The following GPR20 variants were observed in gnomAD, a reference collection of about 807,000 sequenced individuals.
GPR20 encodes the protein CTD-3064M3.3.
For synonymous variants in GPR20, 241 were observed against 241.9 expected, an observed-to-expected ratio of 1.00 and a Z score of 0.04; for missense variants, 494 against 527.4, an observed-to-expected ratio of 0.94 and a Z score of 0.62.
At chr8:141,361,165 C>A (rs889246096) in intron 1 of GPR20, among the ~76,000 whole-genome samples, 1 of 152,226 alleles carries the variant, frequency 6.6e-6, no homozygotes, top group African/African-American at 2.4e-5. Context: ...GGGCTCAGGG[C>A]CTGGAGGCTG....
Position 141,356,999 on chromosome 8 carries a change from G to A in GPR20, c.925C>T (p.Arg309Ter), listed in dbSNP as rs752493554. The change falls in exon 2 of 2, where the codon CGA becomes TGA. Residue 309 changes from arginine to a stop codon, truncating the protein, a stop_gained. Coordinates refer to ENST00000377741, the MANE Select transcript of GPR20 (RefSeq NM_005293.3). LOFTEE classifies it low-confidence loss of function (END_TRUNC). ...FVTSGFQATVRGLFGQHGERE... is the reference protein window; with the variant it reads ...FVTSGFQATV ...TCTCCGTGCTGGCCGAAGAGGCCTCGGACGGTGGCCTGGAAGCCACTGGTG... is the reference window on the plus strand; with the variant it reads ...TCTCCGTGCTGGCCGAAGAGGCCTCAGACGGTGGCCTGGAAGCCACTGGTG... The A allele has an allele frequency of 8.7e-6, 14 of 1,612,982 alleles. No homozygotes were observed. Among genetic ancestry groups the A allele is most frequent in the African/African-American group, 1.3e-5 (1 of 74,954 alleles).
Position 141,356,748 on chromosome 8 carries a change from A to C in GPR20, c.*99T>G. ...GTGCTCTGGGTAGCCATCACCAATCAATCGAGATGGAACCGATTGCCACCC... is the reference window on the plus strand; with the variant it reads ...GTGCTCTGGGTAGCCATCACCAATCCATCGAGATGGAACCGATTGCCACCC... On this transcript the variant is annotated 3_prime_UTR_variant, in exon 2 of 2. Coordinates refer to ENST00000377741, the MANE Select transcript of GPR20 (RefSeq NM_005293.3). The C allele has an allele frequency of 1.3e-6, 1 of 789,896 alleles. No individual in the cohort carries two copies. The highest frequency in any genetic ancestry group is 2.0e-6 in the Non-Finnish European group (1 of 495,758). The allele number at this position is 789,896 out of a possible 1,614,324, so 48.9% of individuals were successfully genotyped here.
rs764359722 is a variant in GPR20 at position 141,357,338 on chromosome 8, G to A, written c.586C>T (p.Arg196Cys). Residue 196 changes from arginine (R) to cysteine (C), a missense_variant, in exon 2 of 2, where the codon CGT (arginine) becomes TGT (cysteine). By Grantham distance (180) the Arg-to-Cys change is radical. Coordinates refer to ENST00000377741, the MANE Select transcript of GPR20 (RefSeq NM_005293.3). ...TCCAGGACAGTCAGCGCAAAGACAC[G>A]GCAGCAGGGCCGGCTGCCTGTCACG... Reference protein sequence around the residue: ...LGVTGSRPCCRVFALTVLEFL... With the variant: ...LGVTGSRPCCCVFALTVLEFL... 4 of 1,548,242 alleles carry A rather than the reference G, an allele frequency of 2.6e-6. No homozygotes were observed. Among genetic ancestry groups the A allele is most frequent in the East Asian group, 2.4e-5 (1 of 41,406 alleles).
intron 1 of GPR20, among the ~76,000 whole-genome samples, chr8:141,365,493 C>T (rs945025547): frequency 2.0e-5 from 3 of 152,224 alleles, no homozygotes; most frequent in African/African-American, 4.8e-5. Flanking sequence ...CACACAGCCC[C>T]GTGCAGTTTG....
rs971662872 is a variant in GPR20 at position 141,357,024 on chromosome 8, G to A, written c.900C>T (p.Val300=). ...SCMDPIVYCF[V]TSGFQATVRG... ...GGACGGTGGCCTGGAAGCCACTGGTGACGAAGCAGTAGACGATGGGGTCCA... is the reference window on the plus strand; with the variant it reads ...GGACGGTGGCCTGGAAGCCACTGGTAACGAAGCAGTAGACGATGGGGTCCA... Residue 300 remains valine (V), a synonymous_variant, in exon 2 of 2, where the codon GTC becomes GTT. Transcript: ENST00000377741. The A allele has an allele frequency of 6.2e-7, 1 of 1,613,016 alleles. No homozygotes were observed. Among genetic ancestry groups the A allele is most frequent in the Non-Finnish European group, 8.5e-7 (1 of 1,179,856 alleles).
In GPR20 at chr8:141,366,328, G is replaced by A. The variant is rs566908745; in HGVS notation, c.-25+873C>T. Among the ~76,000 whole-genome samples the A allele has an allele frequency of 3.2e-4, 49 of 152,202 alleles. 1 individual carries two copies. The highest frequency in any genetic ancestry group is 2.5e-3 in the Admixed American group (38 of 15,290). ...GGAAGACCCAGGATGACCAGCTGTT[G>A]AAGGAAGAAGACAGGGCAAGTGGAC... On this transcript the variant is annotated intron_variant, in intron 1 of 1. Transcript: ENST00000377741.
chr8:141,361,427 C>T (rs1167593786), intron 1 of GPR20, among the ~76,000 whole-genome samples: 1 of 152,364 alleles, frequency 6.6e-6, no homozygotes, highest in Non-Finnish European at 1.5e-5. Context: ...GTCTCTGAGC[C>T]TCAGTTTCCT....
chr8:141,356,493 T>C lies in GPR20; in HGVS notation c.*354A>G, dbSNP rs1831637953. ...CCTTTTTTCTTTTTTCTTTTTCATC[T>C]CATCCTTCTAATCAATGGAATCCAC... On this transcript the variant is annotated 3_prime_UTR_variant, in exon 2 of 2. Transcript: ENST00000377741. 1.3e-5 allele frequency: 4 copies of C among 310,634 alleles called. No individual in the cohort carries two copies. Among genetic ancestry groups the C allele is most frequent in the Non-Finnish European group, 2.3e-5 (4 of 170,514 alleles). The allele number at this position is 310,634 out of a possible 1,614,324, so 19.2% of individuals were successfully genotyped here.
chr8:141,361,342 A>G (rs1362900862), intron 1 of GPR20, among the ~76,000 whole-genome samples: 2 of 152,188 alleles, frequency 1.3e-5, no homozygotes, highest in Non-Finnish European at 2.9e-5. Flanking sequence ...GAGTGTGGCC[A>G]TGGAGCCCTG....
At chr8:141,358,905 G>T (rs1204208574) in intron 1 of GPR20, among the ~76,000 whole-genome samples, 1 of 150,880 alleles carries the variant, frequency 6.6e-6, no homozygotes, top group East Asian at 1.9e-4. Flanking sequence ...TGGGCAGGGG[G>T]GCCAGGGTGG....
At position 141,356,722 on chromosome 8, in the gene GPR20, G is replaced by C; in HGVS notation, c.*125C>G. 1 of 648,462 alleles carries C rather than the reference G, an allele frequency of 1.5e-6. No individual in the cohort carries two copies. Among genetic ancestry groups the C allele is most frequent in the Non-Finnish European group, 2.6e-6 (1 of 379,768 alleles). The allele number at this position is 648,462 out of a possible 1,614,324, so 40.2% of individuals were successfully genotyped here. A position where few individuals can be genotyped will look rare whatever the true frequency, so the allele number is the denominator to read the frequency against. On this transcript the variant is annotated 3_prime_UTR_variant, in exon 2 of 2. Transcript: ENST00000377741. ...CACAGTGGCCTTAGACGCTCAATGC[G>C]GTGCTCTGGGTAGCCATCACCAATC...
rs200601490 is a variant in GPR20 at position 141,357,578 on chromosome 8, C to T, written c.346G>A (p.Ala116Thr). 9.7e-5 allele frequency: 157 copies of T among 1,613,786 alleles called. No individual in the cohort carries two copies. Among genetic ancestry groups the T allele is most frequent in the Non-Finnish European group, 1.2e-4 (145 of 1,180,018 alleles). ...LPTRFAVYYG[A>T]RGCLRCAFPH... Reference sequence around the variant, plus strand: ...AAGGCACAGCGCAGGCAGCCCCTGGCGCCGTAGTACACAGCGAAGCGCGTG... The same window carrying T: ...AAGGCACAGCGCAGGCAGCCCCTGGTGCCGTAGTACACAGCGAAGCGCGTG... Residue 116 changes from alanine (A) to threonine (T), a missense_variant, in exon 2 of 2, where the codon GCC (alanine) becomes ACC (threonine). Coordinates refer to ENST00000377741, the MANE Select transcript of GPR20 (RefSeq NM_005293.3).
intron 1 of GPR20, among the ~76,000 whole-genome samples, chr8:141,359,508 G>T (rs1831701988): frequency 6.6e-6 from 1 of 152,206 alleles, no homozygotes; most frequent in South Asian, 2.1e-4. Flanking sequence ...CCAGGCCTGT[G>T]CCCAGCCCCT....
In GPR20 at chr8:141,357,439, C is replaced by A. The variant is rs373481136; in HGVS notation, c.485G>T (p.Arg162Leu). 1.9e-6 allele frequency: 3 copies of A among 1,603,986 alleles called. No individual in the cohort carries two copies. The highest frequency in any genetic ancestry group is 2.2e-5 in the South Asian group (2 of 90,470). The change falls in exon 2 of 2, where the codon CGC becomes CTC. Residue 162 changes from arginine to leucine, a missense_variant. By Grantham distance (102) the Arg-to-Leu change is moderately radical. Transcript: ENST00000377741. ...IVRPEGSRRC[R>L]QPACARAVCA... ...CACGGCCCTGGCACAGGCAGGCTGG[C>A]GGCAGCGGCGGGAGCCTTCGGGCCG...
At chr8:141,366,611 C>A (rs1306934741) in intron 1 of GPR20, among the ~76,000 whole-genome samples, 1 of 152,224 alleles carries the variant, frequency 6.6e-6, no homozygotes, top group Non-Finnish European at 1.5e-5. Context: ...GAGACAGCAC[C>A]AAGGCTACTG....
At chr8:141,358,712 G>T (rs1420379731) in intron 1 of GPR20, among the ~76,000 whole-genome samples, 1 of 152,256 alleles carries the variant, frequency 6.6e-6, no homozygotes, top group Non-Finnish European at 1.5e-5. Flanking sequence ...CAGTGGGGCT[G>T]CATGGGAGCC....
intron 1 of GPR20, among the ~76,000 whole-genome samples, chr8:141,363,907 CTG>C (rs562764902): frequency 1.1e-4 from 17 of 152,374 alleles, no homozygotes; most frequent in South Asian, 4.1e-4. Flanking sequence ...TGTGTGCTGT[CTG>C]TGGACGTGTG....
chr8:141,357,350 G>C lies in GPR20; in HGVS notation c.574C>G (p.Arg192Gly). The C allele has an allele frequency of 6.4e-7, 1 of 1,552,656 alleles. No individual in the cohort carries two copies. The highest frequency in any genetic ancestry group is 1.2e-5 in the South Asian group (1 of 85,860). Residue 192 changes from arginine (R) to glycine (G), a missense_variant, in exon 2 of 2, where the codon CGG becomes GGG. Arg to Gly is a moderately radical substitution (Grantham distance 125, BLOSUM62 -2). Coordinates refer to ENST00000377741, the MANE Select transcript of GPR20 (RefSeq NM_005293.3). The part of the protein sequence containing the change: ...TLSVLGVTGS[R>G]PCCRVFALTV... Reference sequence around the variant, plus strand: ...AGCGCAAAGACACGGCAGCAGGGCCGGCTGCCTGTCACGCCCAGCACCGAC... The same window carrying C: ...AGCGCAAAGACACGGCAGCAGGGCCCGCTGCCTGTCACGCCCAGCACCGAC...
At chr8:141,359,842 G>C (rs1482948732) in intron 1 of GPR20, among the ~76,000 whole-genome samples, 1 of 152,222 alleles carries the variant, frequency 6.6e-6, no homozygotes, top group South Asian at 2.1e-4. Context: ...AGAAAAGGTC[G>C]AGGCGGCTTT....
Sources: allele counts gnomAD v4.1 joint callset (sites outside exome capture counted in the v4.1 genomes callset), GRCh38; gene constraint gnomAD v4.1.1; transcripts MANE v1.5; gene names NCBI Gene and HGNC (gene_info 2026-07-23, HGNC 2026-07-21).